The following EP400 variants were observed in gnomAD, a reference collection of about 807,000 sequenced individuals.
EP400 encodes the protein E1A-binding protein p400.
In EP400, 105 loss-of-function variants were observed where a neutral mutation model predicts 354.1. That is an observed-to-expected ratio of 0.30 (90% CI 0.25 to 0.35). The LOEUF is 0.35. Ranked by LOEUF, EP400 falls within the 10% of genes least tolerant of loss-of-function variation. The probability of loss-of-function intolerance (pLI) is 1.00; values close to 1 mark genes in which losing one functional copy is unlikely to be tolerated. For missense variants in EP400, 3,280 were observed against 4,121.0 expected, an observed-to-expected ratio of 0.80 and a Z score of 5.59; for synonymous variants, 1,646 against 1,716.9, an observed-to-expected ratio of 0.96 and a Z score of 1.02.
Position 132,048,647 on chromosome 12 carries a change from C to T in EP400, c.7201-1676C>T, listed in dbSNP as rs192940168. ...AAGTGATTCTCCTGCCTCAGCCTCC[C>T]GAGTAGCTGGGATTACAGGTGCATG... On this transcript the variant is annotated intron_variant, in intron 39 of 52. Transcript: ENST00000389561. Among the ~76,000 whole-genome samples, 1,354 of 151,946 alleles carry T rather than the reference C, an allele frequency of 8.9e-3. 8 individuals are homozygous for T. The highest frequency in any genetic ancestry group is 0.011 in the Non-Finnish European group (735 of 67,932).
chr12:131,966,323 A>C (rs529836365), intron 2 of EP400, among the ~76,000 whole-genome samples: 1 of 152,298 alleles, frequency 6.6e-6, no homozygotes, highest in East Asian at 1.9e-4. Flanking sequence ...CTGTAGTCCC[A>C]GCACTTTGGG....
rs1314329963 is a variant in EP400 at position 132,027,415 on chromosome 12, C to T, written c.5015-22C>T. On this transcript the variant is annotated intron_variant, in intron 25 of 52. Transcript: ENST00000389561. The surrounding 1 kb of genome is among the most constrained non-coding windows in gnomAD (Gnocchi z 4.9). ...CTGTGAACTTGGCGTTCCTTTTCAC[C>T]TCTTCCTTTATGCATTTGTAGTTGG... 4 of 1,613,376 alleles carry T rather than the reference C, an allele frequency of 2.5e-6. No individual in the cohort carries two copies. Among genetic ancestry groups the T allele is most frequent in the East Asian group, 2.2e-5 (1 of 44,896 alleles).
rs967391446 is a variant in EP400, at chr12:131,986,937, A to G, written c.2223+130A>G. The G allele has an allele frequency of 1.1e-5, 13 of 1,156,026 alleles. No individual in the cohort carries two copies. The East Asian group carries it at 2.6e-4, about 24-fold the overall frequency. 71.6% of individuals were successfully genotyped at this position (1,156,026 alleles called of 1,614,324 possible). On this transcript the variant is annotated intron_variant, in intron 6 of 52. Coordinates refer to ENST00000389561, the MANE Select transcript of EP400 (RefSeq NM_015409.5). ...CAGCATGGCTTGGGAATCAGTAGACACAAGATGAAAACCAAGGGTTAGCCT... is the reference window on the plus strand; with the variant it reads ...CAGCATGGCTTGGGAATCAGTAGACGCAAGATGAAAACCAAGGGTTAGCCT...
Position 131,991,446 on chromosome 12 carries a change from A to T in EP400, c.2669A>T (p.Glu890Val). 4 of 1,614,060 alleles carry T rather than the reference A, an allele frequency of 2.5e-6. No individual in the cohort carries two copies. Among genetic ancestry groups the T allele is most frequent in the Non-Finnish European group, 3.4e-6 (4 of 1,179,980 alleles). ...CCTAAAGGATTTGACGCATTACAGG[A>T]AAGTTCTCTGGTAAGTTTGGGGTTG... Reference protein sequence around the residue: ...LRPKGFDALQESSLDSGMSGR... With the variant: ...LRPKGFDALQVSSLDSGMSGR... The change falls in exon 10 of 53, where the codon GAA becomes GTA. Residue 890 changes from glutamate to valine, a missense_variant. Glu to Val is a moderately radical substitution (Grantham distance 121). Transcript: ENST00000389561.
Position 132,070,072 on chromosome 12 carries a change from C to G in EP400, c.9021+431C>G, listed in dbSNP as rs901542511. ...GTGTGCAGTGTGCCCTCCCGTCTTC[C>G]TCTCTGCCTAGAGCTTTTATGTCCT... On this transcript the variant is annotated intron_variant, in intron 51 of 52. Transcript: ENST00000389561. This position sits in a 1 kb window ranked among gnomAD's most constrained non-coding sequence, Gnocchi z 4.1. Among the ~76,000 whole-genome samples the G allele has an allele frequency of 6.6e-6, 1 of 152,168 alleles. No homozygotes were observed. Among genetic ancestry groups the G allele is most frequent in the African/African-American group, 2.4e-5 (1 of 41,426 alleles).
intron 2 of EP400, among the ~76,000 whole-genome samples, chr12:131,972,356 T>C (rs1179438874): frequency 1.3e-5 from 2 of 152,066 alleles, no homozygotes; most frequent in African/African-American, 4.8e-5. Context: ...GGCTTCACCA[T>C]GTTAGCCAGG....
In EP400 at chr12:132,018,590, A is replaced by T. The variant is rs1177170337; in HGVS notation, c.4277+214A>T. 6.6e-6 allele frequency among the ~76,000 whole-genome samples: 1 copy of T among 152,228 alleles called. No homozygotes were observed. The highest frequency in any genetic ancestry group is 2.4e-5 in the African/African-American group (1 of 41,470). ...GCAACTGCTTGCCTCCCTGAGCAGC[A>T]ACCTCCTTGATCGTCTTTGCAGCAG... On this transcript the variant is annotated intron_variant, in intron 21 of 52. Transcript: ENST00000389561. This position sits in a 1 kb window ranked among gnomAD's most constrained non-coding sequence, Gnocchi z 4.0.
At chr12:132,055,957 C>T (rs1008190554) in intron 45 of EP400, among the ~76,000 whole-genome samples, 7 of 151,734 alleles carry the variant, frequency 4.6e-5, no homozygotes, top group Admixed American at 1.3e-4. Context: ...CACACGAGGG[C>T]ATGGCTGGGT....
intron 2 of EP400, among the ~76,000 whole-genome samples, chr12:131,966,495 G>A (rs1399063716): frequency 6.7e-6 from 1 of 149,624 alleles, no homozygotes; most frequent in Non-Finnish European, 1.5e-5. Context: ...CCCAGGAGGC[G>A]GAGGTTGCAA....
rs562959219 is a variant in EP400, at chr12:131,974,798, G to A, written c.1336-4896G>A. Among the ~76,000 whole-genome samples the A allele has an allele frequency of 2.7e-4, 41 of 152,064 alleles. 1 individual carries two copies. The East Asian group carries it at 7.0e-3, about 26-fold the overall frequency. On this transcript the variant is annotated intron_variant, in intron 2 of 52. Coordinates refer to ENST00000389561, the MANE Select transcript of EP400 (RefSeq NM_015409.5). ...AGGTCAGGAATTCAAAACCAGCCTG[G>A]TCAACATAGTGAAACCCCATCTGTA...
rs758808365 is a variant in EP400 at position 132,043,272 on chromosome 12, A to G, written c.6208-32A>G. The G allele has an allele frequency of 1.8e-5, 28 of 1,591,436 alleles. No homozygotes were observed. In the Middle Eastern group the frequency reaches 5.0e-4, roughly 29 times the overall value. On this transcript the variant is annotated intron_variant, in intron 32 of 52. Transcript: ENST00000389561. ...CAAACTACCCTCATTTAAAAAGTCT[A>G]TCAAGGCAATCTAAACATAGACTTT... is the stretch of plus-strand genomic sequence containing the variant.
intron 46 of EP400, 53 bp from the exon 47 acceptor site, chr12:132,062,413 C>T: frequency 6.2e-7 from 1 of 1,610,576 alleles, no homozygotes; most frequent in Admixed American, 1.7e-5. Flanking sequence ...GAATGAGGAT[C>T]TGAAGGTGGG....
In EP400 at chr12:132,022,188, C is replaced by T. The variant is rs776833742; in HGVS notation, c.4690+867C>T. 8.1e-4 allele frequency among the ~76,000 whole-genome samples: 124 copies of T among 152,234 alleles called. 1 individual carries two copies. The highest frequency in any genetic ancestry group is 1.3e-3 in the Non-Finnish European group (90 of 68,044). On this transcript the variant is annotated intron_variant, in intron 23 of 52. Coordinates refer to ENST00000389561, the MANE Select transcript of EP400 (RefSeq NM_015409.5). ...AGGGAGAAAGCAGTTGCATATTTTA[C>T]ATCTTCATCAAACTAGACACTGTCT...
At position 132,071,540 on chromosome 12, in the gene EP400, C is replaced by G. The variant is rs544168102; in HGVS notation, c.9021+1899C>G. Among the ~76,000 whole-genome samples, 182 of 152,352 alleles carry G rather than the reference C, an allele frequency of 1.2e-3. 1 individual carries two copies. The highest frequency in any genetic ancestry group is 3.0e-3 in the Admixed American group (46 of 15,310). On this transcript the variant is annotated intron_variant, in intron 51 of 52. Coordinates refer to ENST00000389561, the MANE Select transcript of EP400 (RefSeq NM_015409.5). ...GCAGGCAGCTGTGTGTGCTTGACTTCCAGAAGAGACCTGGAGCAGCCGCTT... is the reference window on the plus strand; with the variant it reads ...GCAGGCAGCTGTGTGTGCTTGACTTGCAGAAGAGACCTGGAGCAGCCGCTT...
chr12:131,991,576 C>CTTTTTTTT (rs878864752), intron 10 of EP400, 120 bp downstream of exon 10: 13 of 593,258 alleles, frequency 2.2e-5, no homozygotes, highest in African/African-American at 1.1e-4. Context: ...CCTTTCTTTT[C>CTTTTTTTT]TTTTTTTTTT....
At position 131,979,794 on chromosome 12, in the gene EP400, G is replaced by A. The variant is rs760975802; in HGVS notation, c.1435+1G>A. 143 of 1,601,754 alleles carry A rather than the reference G, an allele frequency of 8.9e-5. 3 individuals carry two copies. In the South Asian group the frequency reaches 1.6e-3, roughly 18 times the overall value. The stretch of plus-strand genomic sequence containing the variant: ...GCGATGCCCTCCACAGGTATGGCAG[G>A]TACGTCGGCACGGCTAGCGTGGCCT... On this transcript the variant is annotated splice_donor_variant, in intron 3 of 52. Transcript: ENST00000389561. LOFTEE classifies it high-confidence loss of function.
intron 45 of EP400, among the ~76,000 whole-genome samples, chr12:132,061,456 C>T (rs146695090): frequency 6.6e-5 from 10 of 152,312 alleles, no homozygotes; most frequent in African/African-American, 2.4e-4. Context: ...ACTTCGGAAC[C>T]AAGGGAGCTG....
Position 131,960,701 on chromosome 12 carries a change from C to A in EP400, c.82C>A (p.Gln28Lys). 6.4e-7 allele frequency: 1 copy of A among 1,562,160 alleles called. No individual in the cohort carries two copies. The highest frequency in any genetic ancestry group is 8.7e-7 in the Non-Finnish European group (1 of 1,155,088). The change falls in exon 2 of 53, where the codon CAG becomes AAG. Residue 28 changes from glutamine to lysine, a missense_variant. By Grantham distance (53) the Gln-to-Lys change is moderately conservative. Transcript: ENST00000389561. ...CTGCCCTGGCAGCGAGGGTGAGGAG[C>A]AGCCGGCCCACCCCAACCCACCCCC... ...RACPGSEGEE[Q>K]PAHPNPPPSP...
In EP400 at chr12:132,041,974, A is replaced by T. The variant is rs561833389; in HGVS notation, c.6208-1330A>T. Among the ~76,000 whole-genome samples the T allele has an allele frequency of 1.9e-3, 254 of 136,762 alleles. 1 individual carries two copies. Among genetic ancestry groups the T allele is most frequent in the Non-Finnish European group, 2.2e-3 (146 of 65,636 alleles). The allele number at this position is 136,762 out of a possible 152,430, so 89.7% of individuals were successfully genotyped here. A position where few individuals can be genotyped will look rare whatever the true frequency, so the allele number is the denominator to read the frequency against. On this transcript the variant is annotated intron_variant, in intron 32 of 52. Transcript: ENST00000389561. ...TCTTTTTCTTTTTTTTTTTTTTAAG[A>T]CGGAGTCCCACTCATCGTCCAGGCT...
Sources: allele counts gnomAD v4.1 joint callset (sites outside exome capture counted in the v4.1 genomes callset), GRCh38; gene constraint gnomAD v4.1.1; non-coding constraint Gnocchi (gnomAD v3.1); transcripts MANE v1.5; gene names NCBI Gene and HGNC (gene_info 2026-07-23, HGNC 2026-07-21).